The following MAPDA variants were observed in gnomAD, a reference collection of about 807,000 sequenced individuals.
The protein encoded by MAPDA is N6,N6-dimethyl-AMP deaminase.
chr15:43,331,143 A>G, the MAPDA span, among the ~76,000 whole-genome samples: 14 of 152,332 alleles, frequency 9.2e-5, no homozygotes, highest in African/African-American at 3.1e-4. Flanking sequence ...CAGATAGTAG[A>G]CTGTTGATTC....
At chr15:43,346,968 G>A in the MAPDA span, 1 of 1,491,952 alleles carries the variant, frequency 6.7e-7, no homozygotes, top group Non-Finnish European at 9.3e-7. Context: ...CAGTTCCTCA[G>A]TTTTCCCAGA....
chr15:43,338,094 T>C, the MAPDA span, among the ~76,000 whole-genome samples: 3 of 152,246 alleles, frequency 2.0e-5, no homozygotes, highest in Admixed American at 2.0e-4. Flanking sequence ...TTTGACAGTT[T>C]AATACTCTAT....
the MAPDA span, among the ~76,000 whole-genome samples, chr15:43,341,626 G>A: frequency 2.7e-5 from 4 of 150,800 alleles, no homozygotes; most frequent in Admixed American, 6.6e-5. Flanking sequence ...ATCACTTGAC[G>A]CCAGAAGTTC....
At chr15:43,338,484 G>A in the MAPDA span, among the ~76,000 whole-genome samples, 1 of 152,194 alleles carries the variant, frequency 6.6e-6, no homozygotes, top group Non-Finnish European at 1.5e-5. Context: ...GGCTTAAAGA[G>A]GTTAAGTGTA....
At chr15:43,351,898 C>G in the MAPDA span, 1 of 1,551,482 alleles carries the variant, frequency 6.4e-7, no homozygotes, top group Non-Finnish European at 8.7e-7. Flanking sequence ...CAGATCTGAA[C>G]TGAGGAAGAA....
chr15:43,330,362 G>T, the MAPDA span: 1 of 1,529,314 alleles, frequency 6.5e-7, no homozygotes, highest in Non-Finnish European at 8.8e-7. Flanking sequence ...CGCCGCGCCC[G>T]GAACCAGCAA....
the MAPDA span, chr15:43,352,112 A>T: frequency 9.0e-6 from 5 of 554,874 alleles, no homozygotes; most frequent in African/African-American, 9.6e-5. Context: ...CGTGTCTTCA[A>T]CTGACTCACA....
chr15:43,340,472 C>A, the MAPDA span: 1 of 768,510 alleles, frequency 1.3e-6, no homozygotes, highest in South Asian at 1.8e-5. Flanking sequence ...TTCTGTATTT[C>A]ATTGAACCTT....
At chr15:43,336,648 A>G in the MAPDA span, 14 of 1,572,920 alleles carry the variant, frequency 8.9e-6, no homozygotes, top group Non-Finnish European at 1.2e-5. Flanking sequence ...GTTTCAAACT[A>G]TTCATCAGCT....
the MAPDA span, among the ~76,000 whole-genome samples, chr15:43,331,326 G>T: frequency 6.6e-6 from 1 of 152,200 alleles, no homozygotes; most frequent in Non-Finnish European, 1.5e-5. Context: ...TCTGAGCTTT[G>T]TTTTTAAGGA....
the MAPDA span, among the ~76,000 whole-genome samples, chr15:43,334,463 A>G: frequency 2.0e-5 from 3 of 151,172 alleles, no homozygotes; most frequent in South Asian, 4.2e-4. Flanking sequence ...CCCTGTCTCT[A>G]TTAAAAATAC....
the MAPDA span, among the ~76,000 whole-genome samples, chr15:43,338,098 A>G: frequency 6.6e-6 from 1 of 152,228 alleles, no homozygotes; most frequent in Admixed American, 6.5e-5. Context: ...ACAGTTTAAT[A>G]CTCTATGGGT....
At chr15:43,349,445 A>G in the MAPDA span, 1 of 690,348 alleles carries the variant, frequency 1.4e-6, no homozygotes, top group Non-Finnish European at 1.8e-6. Context: ...ATCATTACAC[A>G]CTTGATTGTC....
chr15:43,338,492 G>A, the MAPDA span, among the ~76,000 whole-genome samples: 1 of 152,234 alleles, frequency 6.6e-6, no homozygotes, highest in Non-Finnish European at 1.5e-5. Context: ...GAGGTTAAGT[G>A]TAACTTGCTT....
At chr15:43,350,232 AT>A in the MAPDA span, among the ~76,000 whole-genome samples, 26,410 of 138,456 alleles carry the variant, frequency 0.19, 2,458 homozygotes, top group Middle Eastern at 0.27. Context: ...CGCCCAGCTA[AT>A]TTTTTTTTTT....
At chr15:43,333,247 A>T in the MAPDA span, 1 of 151,896 alleles carries the variant, frequency 6.6e-6, no homozygotes, top group Non-Finnish European at 1.5e-5. Context: ...CCGTCTCTAC[A>T]AAAAAAATTT....
chr15:43,330,375 C>T, the MAPDA span: 3 of 1,604,530 alleles, frequency 1.9e-6, no homozygotes, highest in Non-Finnish European at 8.5e-7. Context: ...ACCAGCAACG[C>T]GGCAAAGGGG....
At chr15:43,346,555 C>T in the MAPDA span, among the ~76,000 whole-genome samples, 34 of 152,244 alleles carry the variant, frequency 2.2e-4, no homozygotes, top group Non-Finnish European at 1.3e-4. Flanking sequence ...GGCAGAATTG[C>T]TCCTGGTTGA....
the MAPDA span, chr15:43,330,774 G>T: frequency 2.9e-6 from 1 of 350,692 alleles, no homozygotes. Flanking sequence ...TGAGTGTTAG[G>T]GAAGGCGGGT....
Sources: gnomAD v4.1 joint callset for allele counts (sites outside exome capture counted in the v4.1 genomes callset) on GRCh38, gnomAD v4.1.1 for gene constraint, MANE v1.5 for transcripts, NCBI Gene and HGNC (gene_info 2026-07-23, HGNC 2026-07-21) for gene names.